Variants in MAB21L4 observed in about 807,000 individuals in gnomAD.
MAB21L4 encodes the protein mab-21 like 4.
MAB21L4 carries 25 observed loss-of-function variants against 32.4 expected under a neutral mutation model. The observed-to-expected ratio is 0.77, with a 90% CI of 0.56 to 1.08. MAB21L4 has a LOEUF of 1.08. Ranked by LOEUF, MAB21L4 falls within the 50% of genes least tolerant of loss-of-function variation. The probability of loss-of-function intolerance (pLI) is 0.00; values close to 1 mark genes in which losing one functional copy is unlikely to be tolerated. For synonymous variants in MAB21L4, 280 were observed against 276.8 expected (o/e 1.01, Z -0.11); for missense variants, 638 against 611.0 (o/e 1.04, Z -0.47).
rs534369059 is a variant in MAB21L4, at chr2:240,894,203, C to T, written c.514+1281G>A. On this transcript the variant is annotated intron_variant, in intron 1 of 4. Transcript: ENST00000388934. Reference sequence around the variant, plus strand: ...TCCCCAAGCAGATCATGGCCTCTCGCGAAGGTGAGCTGACCCCACCCGCTG... The same window carrying T: ...TCCCCAAGCAGATCATGGCCTCTCGTGAAGGTGAGCTGACCCCACCCGCTG... Among the ~76,000 whole-genome samples, 129 of 151,998 alleles carry T rather than the reference C, an allele frequency of 8.5e-4. 2 individuals are homozygous for T. The highest frequency in any genetic ancestry group is 2.7e-3 in the Admixed American group (41 of 15,282).
intron 1 of MAB21L4, among the ~76,000 whole-genome samples, chr2:240,894,678 G>T (rs2059175112): frequency 6.6e-6 from 1 of 152,178 alleles, no homozygotes; most frequent in African/African-American, 2.4e-5. Flanking sequence ...GGTAGCCCAT[G>T]CCTGTAATCC....
intron 4 of MAB21L4, 97 bp downstream of exon 4, chr2:240,888,195 C>T (rs938332784): frequency 1.9e-5 from 19 of 1,025,342 alleles, no homozygotes; most frequent in Non-Finnish European, 2.5e-5. Context: ...CCTGGGGCTG[C>T]TGACCTGGGA....
chr2:240,895,425 C>A, intron 1 of MAB21L4, 59 bp downstream of exon 1: 3 of 1,437,632 alleles, frequency 2.1e-6, no homozygotes, highest in Middle Eastern at 2.4e-4. Context: ...CACACAGACA[C>A]CCACACAGCA....
chr2:240,895,671 G>A lies in MAB21L4; in HGVS notation c.327C>T (p.Cys109=), dbSNP rs368019894. 58 of 1,612,808 alleles carry A rather than the reference G, an allele frequency of 3.6e-5. No homozygotes were observed. Among genetic ancestry groups the A allele is most frequent in the Non-Finnish European group, 4.7e-5 (55 of 1,180,016 alleles). ...CCCCTTCCCTGGGCACACCCAGGTGGCATAATTCAAGGCCATCCTCCGGCT... is the reference window on the plus strand; with the variant it reads ...CCCCTTCCCTGGGCACACCCAGGTGACATAATTCAAGGCCATCCTCCGGCT... ...ATQPEDGLEL[C]HLGVPREGAG... Residue 109 remains cysteine, a synonymous_variant, in exon 1 of 5, where the codon TGC becomes TGT. Transcript: ENST00000388934.
At chr2:240,887,519 G>A (rs554352136) in intron 4 of MAB21L4, among the ~76,000 whole-genome samples, 7 of 152,370 alleles carry the variant, frequency 4.6e-5, no homozygotes, top group African/African-American at 1.4e-4. Flanking sequence ...TGCAGGCTCT[G>A]GGGTAAAAAT....
chr2:240,895,440 C>A, intron 1 of MAB21L4, 44 bp downstream of exon 1: 1 of 1,468,194 alleles, frequency 6.8e-7, no homozygotes, highest in Non-Finnish European at 9.1e-7. Context: ...ACAGCAGCCC[C>A]TCGGTACACG....
chr2:240,895,955 C>A lies in MAB21L4; in HGVS notation c.43G>T (p.Val15Leu). The part of the protein sequence containing the change: ...ALPTSAMAVQ[V>L]PLWHHYLQAI... The stretch of plus-strand genomic sequence containing the variant: ...TGCAGGTAGTGGTGCCACAGGGGCA[C>A]CTGCACGGCCATGGCTGAGGTGGGG... The change falls in exon 1 of 5, where the codon GTG becomes TTG. Residue 15 changes from valine (V) to leucine (L), a missense_variant. Transcript: ENST00000388934. The A allele has an allele frequency of 6.7e-7, 1 of 1,483,158 alleles. No individual in the cohort carries two copies. Among genetic ancestry groups the A allele is most frequent in the Non-Finnish European group, 8.9e-7 (1 of 1,120,958 alleles). The allele number at this position is 1,483,158 out of a possible 1,614,324, so 91.9% of individuals were successfully genotyped here. A position where few individuals can be genotyped will look rare whatever the true frequency, so the allele number is the denominator to read the frequency against.
chr2:240,890,185 C>T, intron 2 of MAB21L4, 27 bp from the exon 3 acceptor site: 1 of 1,564,646 alleles, frequency 6.4e-7, no homozygotes. Context: ...CGCACTGGGT[C>T]AGCCCCCGCC....
chr2:240,888,736 G>T (rs2059119520), intron 3 of MAB21L4, 88 bp from the exon 4 acceptor site: 3 of 916,538 alleles, frequency 3.3e-6, no homozygotes, highest in Non-Finnish European at 4.6e-6. Flanking sequence ...CACCCTGGCT[G>T]CCCCTCCCTG....
At chr2:240,889,896 G>A (rs2059128721) in intron 3 of MAB21L4, 109 bp downstream of exon 3, 22 of 1,303,024 alleles carry the variant, frequency 1.7e-5, no homozygotes, top group Non-Finnish European at 2.3e-5. Context: ...CTCCGACTTG[G>A]GACTCATAGC....
In MAB21L4 at chr2:240,886,977, TTTC is replaced by T; in HGVS notation, c.*90_*92del. 1 of 996,936 alleles carries T rather than the reference TTTC, an allele frequency of 1.0e-6. No individual in the cohort carries two copies. Among genetic ancestry groups the T allele is most frequent in the Admixed American group, 1.9e-5 (1 of 52,586 alleles). The allele number at this position is 996,936 out of a possible 1,614,324, so 61.8% of individuals were successfully genotyped here. ...CACTACCCCCTCAAGGAGAAGCCCG[TTTC>T]TTCTTCCAAACATCCCAGGAGCCTC... On this transcript the variant is annotated 3_prime_UTR_variant, in exon 5 of 5. Transcript: ENST00000388934.
At chr2:240,891,496 G>A (rs1027357787) in intron 2 of MAB21L4, 42 bp downstream of exon 2, 1 of 1,525,374 alleles carries the variant, frequency 6.6e-7, no homozygotes. Flanking sequence ...GCCCCTTCCT[G>A]CCCCCTCCCC....
At position 240,888,306 on chromosome 2, in the gene MAB21L4, C is replaced by G. The variant is rs368069678; in HGVS notation, c.1237G>C (p.Val413Leu). 8.9e-6 allele frequency: 14 copies of G among 1,568,288 alleles called. No individual in the cohort carries two copies. The African/African-American group carries it at 1.4e-4, about 15-fold the overall frequency. ...PTYWATAYFD[V>L]LLDKFQVFNI... ...CCAGCACCCACCTTGTCCAGCAGGA[C>G]GTCGAAGTAGGCAGTGGCCCAGTAA... Residue 413 changes from valine to leucine, a missense_variant, in exon 4 of 5, where the codon GTC (valine) becomes CTC (leucine). Physicochemically the swap from Val to Leu is conservative, Grantham distance 32 (BLOSUM62 1). Transcript: ENST00000388934.
intron 1 of MAB21L4, among the ~76,000 whole-genome samples, chr2:240,893,295 G>T (rs951616090): frequency 6.6e-6 from 1 of 152,200 alleles, no homozygotes; most frequent in Non-Finnish European, 1.5e-5. Context: ...ATCTCCCGTG[G>T]GGCAGTTCTG....
intron 3 of MAB21L4, 21 bp downstream of exon 3, chr2:240,889,984 G>T: frequency 6.3e-7 from 1 of 1,591,804 alleles, no homozygotes; most frequent in Non-Finnish European, 8.6e-7. Flanking sequence ...CAGACAACCC[G>T]CCGAGTCCCG....
At chr2:240,887,701 G>A (rs1217242356) in intron 4 of MAB21L4, among the ~76,000 whole-genome samples, 3 of 152,230 alleles carry the variant, frequency 2.0e-5, no homozygotes, top group Non-Finnish European at 2.9e-5. Context: ...TGCCCTGGAA[G>A]GAGATTGTGT....
chr2:240,896,074 G>A lies in MAB21L4; in HGVS notation c.-77C>T, dbSNP rs949515133. ...GGCCAGCTGTGCAGATGGGCTGTGA[G>A]GAGGCACCTGCCCAGGTGAGCAGCA... On this transcript the variant is annotated 5_prime_UTR_variant, in exon 1 of 5. Coordinates refer to ENST00000388934, the MANE Select transcript of MAB21L4 (RefSeq NM_001085437.3). 1 of 1,389,428 alleles carries A rather than the reference G, an allele frequency of 7.2e-7. No individual in the cohort carries two copies. The highest frequency in any genetic ancestry group is 9.3e-7 in the Non-Finnish European group (1 of 1,079,144). 86.1% of individuals were successfully genotyped at this position (1,389,428 alleles called of 1,614,324 possible). A position where few individuals can be genotyped will look rare whatever the true frequency, so the allele number is the denominator to read the frequency against.
In MAB21L4 at chr2:240,895,580, G is replaced by A. The variant is rs376937386; in HGVS notation, c.418C>T (p.Arg140Cys). ...ACCTTGCTGGGCACAATGTGTCCAC[G>A]GCACTTGGCGTCACCCTCCGAGGAG... ...TASSEGDAKC[R>C]GHIVPSKVLC... is the part of the protein sequence containing the mutation. Residue 140 changes from arginine (R) to cysteine (C), a missense_variant, in exon 1 of 5, where the codon CGT becomes TGT. Coordinates refer to ENST00000388934, the MANE Select transcript of MAB21L4 (RefSeq NM_001085437.3). 8.1e-6 allele frequency: 13 copies of A among 1,612,460 alleles called. No homozygotes were observed. The highest frequency in any genetic ancestry group is 2.2e-5 in the East Asian group (1 of 44,866).
At position 240,887,018 on chromosome 2, in the gene MAB21L4, G is replaced by A. The variant is rs888867534; in HGVS notation, c.*52C>T. 1.4e-5 allele frequency: 20 copies of A among 1,383,998 alleles called. No homozygotes were observed. Among genetic ancestry groups the A allele is most frequent in the Non-Finnish European group, 1.9e-5 (18 of 971,546 alleles). The allele number at this position is 1,383,998 out of a possible 1,614,324, so 85.7% of individuals were successfully genotyped here. A position where few individuals can be genotyped will look rare whatever the true frequency, so the allele number is the denominator to read the frequency against. The stretch of plus-strand genomic sequence containing the variant: ...TCCCAGGAGCCTCCCATGGTGCAGT[G>A]CAGAGTCTGTTGGGGAGCCAAGAAC... On this transcript the variant is annotated 3_prime_UTR_variant, in exon 5 of 5. Coordinates refer to ENST00000388934, the MANE Select transcript of MAB21L4 (RefSeq NM_001085437.3).
Sources: gnomAD v4.1 joint callset for allele counts (sites outside exome capture counted in the v4.1 genomes callset) on GRCh38, gnomAD v4.1.1 for gene constraint, MANE v1.5 for transcripts, NCBI Gene and HGNC (gene_info 2026-07-23, HGNC 2026-07-21) for gene names.